Variants in CCDC180 observed in about 807,000 individuals in gnomAD.
CCDC180 encodes the protein coiled-coil domain-containing protein 180.
CCDC180 carries 154 observed loss-of-function variants against 209.2 expected under a neutral mutation model. The observed-to-expected ratio is 0.74, with a 90% CI of 0.65 to 0.84. CCDC180 has a LOEUF of 0.84. Among genes scored for constraint, CCDC180 ranks in the 40% least tolerant of loss-of-function variants. CCDC180 has a pLI of 0.00. For synonymous variants in CCDC180, 778 were observed against 749.1 expected, an observed-to-expected ratio of 1.04 and a Z score of -0.63; for missense variants, 1,874 against 1,997.3, an observed-to-expected ratio of 0.94 and a Z score of 1.18.
rs1446070174 is a variant in CCDC180 at position 97,330,507 on chromosome 9, C to T, written c.2014C>T (p.Gln672Ter). Reference protein sequence around the residue: ...ESFITEEVLGQQKKSPLHAKM... With the variant: ...ESFITEEVLG The stretch of plus-strand genomic sequence containing the variant: ...CTTCATAACTGAAGAGGTGCTGGGG[C>T]AGCAGAAAAAATCTCCACTGCATGC... Residue 672 changes from glutamine (Q) to a stop codon, truncating the protein, a stop_gained, in exon 18 of 37, where the codon CAG becomes TAG. Coordinates refer to ENST00000529487, the MANE Select transcript of CCDC180 (RefSeq NM_020893.6). LOFTEE classifies it high-confidence loss of function. The T allele has an allele frequency of 1.9e-6, 3 of 1,614,070 alleles. No individual in the cohort carries two copies. The highest frequency in any genetic ancestry group is 1.7e-4 in the Middle Eastern group (1 of 6,060).
intron 8 of CCDC180, 140 bp from the exon 9 acceptor site, chr9:97,316,925 T>C (rs1344160739): frequency 1.4e-6 from 1 of 727,140 alleles, no homozygotes; most frequent in Admixed American, 2.3e-5. Flanking sequence ...TCAGTCCCCT[T>C]CAGGCCCTGC....
intron 26 of CCDC180, among the ~76,000 whole-genome samples, chr9:97,361,049 G>A (rs1437192423): frequency 6.6e-6 from 1 of 152,174 alleles, no homozygotes. Context: ...GGGCTCCAAG[G>A]GTCTAGCGTG....
At chr9:97,326,263 A>C (rs1833531122) in intron 14 of CCDC180, among the ~76,000 whole-genome samples, 1 of 152,034 alleles carries the variant, frequency 6.6e-6, no homozygotes, top group Non-Finnish European at 1.5e-5. Flanking sequence ...TGCAGGCCTG[A>C]CCAGGTGGGC....
In CCDC180 at chr9:97,369,737, G is replaced by A. The variant is rs1587836336; in HGVS notation, c.4190-185G>A. 6.8e-6 allele frequency: 4 copies of A among 584,960 alleles called. No individual in the cohort carries two copies. In the East Asian group the frequency reaches 1.2e-4, roughly 18 times the overall value. The allele number at this position is 584,960 out of a possible 1,614,324, so 36.2% of individuals were successfully genotyped here. On this transcript the variant is annotated intron_variant, in intron 31 of 36. Transcript: ENST00000529487. ...ATTACAGGTGTAAGCCACTGCAGCT[G>A]GCTAACCCTGTATTTTCTATACTGG...
At chr9:97,359,605 G>A (rs1826691118) in intron 25 of CCDC180, among the ~76,000 whole-genome samples, 1 of 152,118 alleles carries the variant, frequency 6.6e-6, no homozygotes, top group Non-Finnish European at 1.5e-5. Context: ...TGCGTCAAAT[G>A]TTTCCTTCTA....
chr9:97,308,232 A>G (rs2118496919), intron 2 of CCDC180, 100 bp downstream of exon 2: 2 of 1,076,754 alleles, frequency 1.9e-6, no homozygotes, highest in Middle Eastern at 4.4e-4. Context: ...AATTGAATAA[A>G]ACAAGGGCTT....
At chr9:97,361,460 C>A (rs1235693355) in intron 26 of CCDC180, among the ~76,000 whole-genome samples, 1 of 152,178 alleles carries the variant, frequency 6.6e-6, no homozygotes, top group Non-Finnish European at 1.5e-5. Flanking sequence ...CCTCTTGGCC[C>A]CTGTGTTCCT....
chr9:97,370,838 C>A, intron 33 of CCDC180, 60 bp downstream of exon 33: 1 of 1,565,312 alleles, frequency 6.4e-7, no homozygotes, highest in Non-Finnish European at 8.7e-7. Flanking sequence ...CGATGGACAG[C>A]CACTGACAGT....
At chr9:97,314,560 T>G (rs1833096893) in intron 6 of CCDC180, 39 bp downstream of exon 6, 1 of 1,613,430 alleles carries the variant, frequency 6.2e-7, no homozygotes, top group Non-Finnish European at 8.5e-7. Flanking sequence ...CCCACCCAGG[T>G]CCTGCTTCTT....
At chr9:97,321,919 G>T (rs1174520727) in intron 11 of CCDC180, among the ~76,000 whole-genome samples, 2 of 152,222 alleles carry the variant, frequency 1.3e-5, no homozygotes, top group Non-Finnish European at 2.9e-5. Context: ...TTGGAAACAG[G>T]GAGGGGAGGC....
intron 18 of CCDC180, 93 bp from the exon 19 acceptor site, chr9:97,343,247 G>A (rs1034033930): frequency 1.3e-6 from 1 of 768,172 alleles, no homozygotes; most frequent in African/African-American, 1.8e-5. Flanking sequence ...CCCAAAATTT[G>A]GTTTACAACC....
chr9:97,349,345 C>A, intron 21 of CCDC180, 54 bp downstream of exon 21: 2 of 1,475,358 alleles, frequency 1.4e-6, no homozygotes, highest in Non-Finnish European at 1.8e-6. Flanking sequence ...AATCCCAGTT[C>A]GGCTGCTGCT....
At chr9:97,364,192 T>C (rs976979836) in intron 29 of CCDC180, 64 bp downstream of exon 29, 21 of 1,483,380 alleles carry the variant, frequency 1.4e-5, no homozygotes, top group Non-Finnish European at 1.9e-5. Flanking sequence ...GGGCAGCAAA[T>C]GTGACTCAGC....
chr9:97,316,049 A>G (rs1321295009), intron 8 of CCDC180, among the ~76,000 whole-genome samples: 1 of 152,190 alleles, frequency 6.6e-6, no homozygotes, highest in Non-Finnish European at 1.5e-5. Context: ...GGAGGATAAT[A>G]AAAGAGGGTC....
In CCDC180 at chr9:97,374,626, C is replaced by A; in HGVS notation, c.4684C>A (p.Pro1562Thr). The A allele has an allele frequency of 6.2e-7, 1 of 1,614,022 alleles. No homozygotes were observed. The highest frequency in any genetic ancestry group is 8.5e-7 in the Non-Finnish European group (1 of 1,179,954). The change falls in exon 35 of 37, where the codon CCC becomes ACC. Residue 1562 changes from proline to threonine, a missense_variant. Pro to Thr is a conservative substitution (Grantham distance 38). Coordinates refer to ENST00000529487, the MANE Select transcript of CCDC180 (RefSeq NM_020893.6). Reference sequence around the variant, plus strand: ...CTCCCTGAAGGAAGAGAGTGAGAAACCCCTGATTGAACGTGGAAGCAGGTG... The same window carrying A: ...CTCCCTGAAGGAAGAGAGTGAGAAAACCCTGATTGAACGTGGAAGCAGGTG... ...GLSLKEESEKPLIERGSRKWP... is the reference protein window; with the variant it reads ...GLSLKEESEKTLIERGSRKWP...
At chr9:97,307,359 G>A, upstream of CCDC180, 2 of 493,748 alleles carry the variant, frequency 4.1e-6, no homozygotes, top group Non-Finnish European at 7.9e-6. Context: ...ACCGGCCCTG[G>A]CTGCCTTGAG....
chr9:97,312,267 G>T, intron 4 of CCDC180, 66 bp downstream of exon 4: 4 of 1,402,444 alleles, frequency 2.9e-6, no homozygotes, highest in South Asian at 1.2e-5. Flanking sequence ...GCAGGAGGTG[G>T]GGACGTCTCC....
intron 18 of CCDC180, among the ~76,000 whole-genome samples, chr9:97,334,964 A>G (rs1225923743): frequency 1.3e-5 from 2 of 152,160 alleles, no homozygotes; most frequent in South Asian, 2.1e-4. Context: ...AATTTTAAAC[A>G]TTTCTCTCAT....
At chr9:97,354,532 T>G in intron 22 of CCDC180, 37 bp from the exon 23 acceptor site, 1 of 1,610,798 alleles carries the variant, frequency 6.2e-7, no homozygotes. Context: ...CTCTTAGGTC[T>G]GATCTGTGGC....
Sources: gnomAD v4.1 joint callset for allele counts (sites outside exome capture counted in the v4.1 genomes callset) on GRCh38, gnomAD v4.1.1 for gene constraint, MANE v1.5 for transcripts, NCBI Gene and HGNC (gene_info 2026-07-23, HGNC 2026-07-21) for gene names.